Variants in UNC5D observed in about 807,000 individuals in gnomAD.
UNC5D encodes the protein unc-5 netrin receptor D.
UNC5D carries 39 observed loss-of-function variants against 105.4 expected under a neutral mutation model. The ratio of observed to expected loss-of-function variants is 0.37; its 90% confidence interval spans 0.29 to 0.48. The LOEUF (loss-of-function observed/expected upper bound fraction) is 0.48. UNC5D is among the 20% of genes least tolerant of loss of function. The probability of loss-of-function intolerance (pLI) is 0.98; values close to 1 mark genes in which losing one functional copy is unlikely to be tolerated. For missense variants in UNC5D, 991 were observed against 1,202.4 expected (o/e 0.82, Z 2.60); for synonymous variants, 452 against 450.4 (o/e 1.00, Z -0.04).
At chr8:35,400,224 C>G (rs1456678611) in intron 1 of UNC5D, among the ~76,000 whole-genome samples, 2 of 151,670 alleles carry the variant, frequency 1.3e-5, no homozygotes, top group African/African-American at 4.8e-5. Flanking sequence ...TAGTTGAGAT[C>G]CTTTTTTTTT....
intron 4 of UNC5D, among the ~76,000 whole-genome samples, chr8:35,626,121 G>A (rs1050176561): frequency 4.6e-5 from 7 of 151,838 alleles, no homozygotes; most frequent in African/African-American, 1.7e-4. Context: ...ATGCTGTAAA[G>A]GGGCAGCTGA....
chr8:35,523,578 CTTT>C (rs33917742), intron 1 of UNC5D, among the ~76,000 whole-genome samples: 107 of 97,514 alleles, frequency 1.1e-3, no homozygotes, highest in African/African-American at 2.7e-3. Context: ...GTAATGTGCT[CTTT>C]TTTTTTTTTT....
At chr8:35,368,641 T>C (rs1209274916) in intron 1 of UNC5D, among the ~76,000 whole-genome samples, 1 of 151,542 alleles carries the variant, frequency 6.6e-6, no homozygotes, top group Non-Finnish European at 1.5e-5. Flanking sequence ...TATATATTTG[T>C]TATGGTCTGA....
intron 1 of UNC5D, among the ~76,000 whole-genome samples, chr8:35,488,842 A>G (rs1248447471): frequency 6.6e-6 from 1 of 152,148 alleles, no homozygotes; most frequent in Admixed American, 6.5e-5. Flanking sequence ...TCAGTTCTCA[A>G]CCACACTTGA....
intron 1 of UNC5D, among the ~76,000 whole-genome samples, chr8:35,471,468 T>C (rs1485773313): frequency 6.6e-6 from 1 of 152,210 alleles, no homozygotes; most frequent in Non-Finnish European, 1.5e-5. Flanking sequence ...TAACACCTTG[T>C]AAACCAACGT....
chr8:35,726,188 A>T lies in UNC5D; in HGVS notation c.1340A>T (p.Asp447Val). Residue 447 changes from aspartate (D) to valine (V), a missense_variant, in exon 10 of 17, where the codon GAT becomes GTT. Asp to Val is a radical substitution (Grantham distance 152). Around this residue, in one of 3 missense-constraint regions of UNC5D, gnomAD observed 944 missense variants for 1,131.6 expected, o/e 0.83. Transcript: ENST00000404895. Reference protein sequence around the residue: ...SLLLNSAMQPDLTVSRTYSGP... With the variant: ...SLLLNSAMQPVLTVSRTYSGP... ...CTCCTGAATTCTGCCATGCAGCCAG[A>T]TCTGACAGTGAGCCGGACATACAGC... 1 of 1,613,614 alleles carries T rather than the reference A, an allele frequency of 6.2e-7. No homozygotes were observed. Among genetic ancestry groups the T allele is most frequent in the Non-Finnish European group, 8.5e-7 (1 of 1,179,652 alleles).
intron 1 of UNC5D, among the ~76,000 whole-genome samples, chr8:35,501,764 A>G (rs1405237810): frequency 6.6e-6 from 1 of 152,216 alleles, no homozygotes; most frequent in Non-Finnish European, 1.5e-5. Flanking sequence ...AATTCCCATG[A>G]GCCTTACAAA....
chr8:35,356,028 C>T (rs1016439647), intron 1 of UNC5D, among the ~76,000 whole-genome samples: 1 of 152,154 alleles, frequency 6.6e-6, no homozygotes, highest in African/African-American at 2.4e-5. Flanking sequence ...AAACAATTCT[C>T]CTGCCTCAGA....
intron 1 of UNC5D, among the ~76,000 whole-genome samples, chr8:35,342,464 G>A (rs1019338325): frequency 4.6e-5 from 7 of 152,078 alleles, no homozygotes; most frequent in Admixed American, 3.9e-4. Flanking sequence ...ATCCACCATC[G>A]GCAGATAATG....
intron 1 of UNC5D, among the ~76,000 whole-genome samples, chr8:35,494,286 T>C (rs1396254243): frequency 6.6e-6 from 1 of 152,192 alleles, no homozygotes; most frequent in Non-Finnish European, 1.5e-5. Context: ...TAGACTTTAA[T>C]CCAAAATGTT....
intron 1 of UNC5D, among the ~76,000 whole-genome samples, chr8:35,280,024 C>T (rs962276635): frequency 2.0e-5 from 3 of 152,092 alleles, no homozygotes; most frequent in African/African-American, 7.2e-5. Flanking sequence ...GAGACAGAGT[C>T]TCACTTTGTC....
intron 1 of UNC5D, among the ~76,000 whole-genome samples, chr8:35,398,927 G>C (rs1330823601): frequency 6.6e-6 from 1 of 151,988 alleles, no homozygotes; most frequent in Non-Finnish European, 1.5e-5. Context: ...AGGCTGAGGT[G>C]GGCAGATTGC....
chr8:35,773,285 G>A (rs939074224), intron 15 of UNC5D, among the ~76,000 whole-genome samples: 1 of 152,126 alleles, frequency 6.6e-6, no homozygotes. Context: ...AATTCTTATT[G>A]GACAGCTTTA....
chr8:35,405,790 C>G (rs972392145), intron 1 of UNC5D, among the ~76,000 whole-genome samples: 2 of 152,010 alleles, frequency 1.3e-5, no homozygotes, highest in Admixed American at 6.6e-5. Flanking sequence ...TTTAGCACTT[C>G]TTTCTTGTAG....
At chr8:35,425,958 C>A (rs568543961) in intron 1 of UNC5D, among the ~76,000 whole-genome samples, 1 of 152,066 alleles carries the variant, frequency 6.6e-6, no homozygotes, top group Non-Finnish European at 1.5e-5. Context: ...GATTTTTGAA[C>A]GTCCTTTTTA....
chr8:35,556,689 TGC>T (rs1385683704), intron 2 of UNC5D, among the ~76,000 whole-genome samples: 1 of 152,196 alleles, frequency 6.6e-6, no homozygotes, highest in Non-Finnish European at 1.5e-5. Flanking sequence ...TACTATATTT[TGC>T]AAGAGTTGAT....
chr8:35,738,819 T>A (rs1829604177), intron 11 of UNC5D, among the ~76,000 whole-genome samples: 2 of 152,230 alleles, frequency 1.3e-5, no homozygotes, highest in East Asian at 1.9e-4. Context: ...CAGGCTTTTC[T>A]TGCTAGCAAT....
chr8:35,491,014 GT>G (rs1188274307), intron 1 of UNC5D, among the ~76,000 whole-genome samples: 1 of 150,784 alleles, frequency 6.6e-6, no homozygotes, highest in Non-Finnish European at 1.5e-5. Context: ...AATTGAATTG[GT>G]AAAAATTGGC....
intron 1 of UNC5D, among the ~76,000 whole-genome samples, chr8:35,299,932 A>G (rs1807802020): frequency 6.6e-6 from 1 of 152,180 alleles, no homozygotes; most frequent in South Asian, 2.1e-4. Flanking sequence ...CAGAAGGGTT[A>G]CTCTGAGATA....
Sources: allele counts gnomAD v4.1 joint callset (sites outside exome capture counted in the v4.1 genomes callset), GRCh38; gene constraint gnomAD v4.1.1; regional missense constraint gnomAD v4.1.1; transcripts MANE v1.5; gene names NCBI Gene and HGNC (gene_info 2026-07-23, HGNC 2026-07-21).